The following ZNF721 variants were observed in gnomAD, a reference collection of about 807,000 sequenced individuals.
The protein encoded by ZNF721 is zinc finger protein 721.
ZNF721 carries 2 observed loss-of-function variants against 2.4 expected under a neutral mutation model. The observed-to-expected ratio is 0.82, with a 90% confidence interval of 0.34 to 2.58. The LOEUF is 2.58. Among genes scored for constraint, ZNF721 ranks in the 30% most tolerant of loss-of-function variants. ZNF721 has a pLI of 0.11. For synonymous variants in ZNF721, 398 were observed against 381.8 expected, an observed-to-expected ratio of 1.04 and a Z score of -0.50; for missense variants, 1,187 against 1,085.5, an observed-to-expected ratio of 1.09 and a Z score of -1.31.
rs782782968 is a variant in ZNF721, at chr4:442,256, G to C, written c.2211C>G (p.Ser737=). ...TTTTCTTATATTCGTTCAGGTTTGT[G>C]GACCATCCAAAGGATCTGCCACGAT... is the stretch of plus-strand genomic sequence containing the variant. ...CEDRGRSFGW[S]TNLNEYKKIH... The change falls in exon 3 of 3, where the codon TCC becomes TCG. Residue 737 remains serine (S), a synonymous_variant. Transcript: ENST00000511833. The C allele has an allele frequency of 6.2e-7, 1 of 1,612,908 alleles. No individual in the cohort carries two copies. The highest frequency in any genetic ancestry group is 8.5e-7 in the Non-Finnish European group (1 of 1,179,334).
chr4:442,044 G>A lies in ZNF721; in HGVS notation c.2423C>T (p.Pro808Leu). The change falls in exon 3 of 3, where the codon CCC (proline) becomes CTC (leucine). Residue 808 changes from proline to leucine, a missense_variant. Pro to Leu is a moderately conservative substitution (Grantham distance 98, BLOSUM62 -3). Coordinates refer to ENST00000511833, the MANE Select transcript of ZNF721 (RefSeq NM_133474.4). ...TTTACCACATTCTAAACATTTAAAGGGTTTCTCACCTGTATGAATCCTCTT... is the reference window on the plus strand; with the variant it reads ...TTTACCACATTCTAAACATTTAAAGAGTTTCTCACCTGTATGAATCCTCTT... Reference protein sequence around the residue: ...KHKRIHTGEKPFKCLECGKAF... With the variant: ...KHKRIHTGEKLFKCLECGKAF... 1.2e-6 allele frequency: 2 copies of A among 1,613,886 alleles called. No homozygotes were observed. The highest frequency in any genetic ancestry group is 1.7e-6 in the Non-Finnish European group (2 of 1,179,852).
intron 1 of ZNF721, among the ~76,000 whole-genome samples, chr4:491,586 G>C (rs1243444846): frequency 6.6e-6 from 1 of 152,186 alleles, no homozygotes; most frequent in African/African-American, 2.4e-5. Context: ...AGTAATTAGA[G>C]ACTCTTAAGA....
At chr4:495,824 G>C (rs377227513) in intron 1 of ZNF721, among the ~76,000 whole-genome samples, 1 of 152,192 alleles carries the variant, frequency 6.6e-6, no homozygotes, top group African/African-American at 2.4e-5. Flanking sequence ...GGATGGTCTT[G>C]ATCTCTTGAC....
At chr4:492,460 A>C (rs1204206776) in intron 1 of ZNF721, among the ~76,000 whole-genome samples, 1 of 152,180 alleles carries the variant, frequency 6.6e-6, no homozygotes, top group African/African-American at 2.4e-5. Context: ...AAAATCTCTT[A>C]TGATTTATCA....
rs1266366388 is a variant in ZNF721 at position 465,437 on chromosome 4, T to C, written c.34+7138A>G. Among the ~76,000 whole-genome samples, 9 of 64,740 alleles carry C rather than the reference T, an allele frequency of 1.4e-4. No homozygotes were observed. In the African/African-American group the frequency reaches 2.1e-3, roughly 15 times the overall value. The allele number at this position is 64,740 out of a possible 152,430, so 42.5% of individuals were successfully genotyped here. On this transcript the variant is annotated intron_variant, in intron 2 of 2. Transcript: ENST00000511833. ...CTTAAGCTAGGCTTTTGTTTTTTGT[T>C]TTTTTTTTTTTTGAGACGGAGTCTC... is the stretch of plus-strand genomic sequence containing the variant.
chr4:470,785 G>A (rs1715407794), intron 2 of ZNF721, among the ~76,000 whole-genome samples: 2 of 152,092 alleles, frequency 1.3e-5, no homozygotes, highest in Admixed American at 6.6e-5. Flanking sequence ...CAATTTGGGA[G>A]GCCAAGAGAT....
intron 2 of ZNF721, among the ~76,000 whole-genome samples, chr4:450,977 A>G (rs1289030522): frequency 2.3e-5 from 3 of 128,872 alleles, no homozygotes; most frequent in African/African-American, 5.8e-5. Context: ...ATATATATAT[A>G]TATATATATA....
intron 1 of ZNF721, among the ~76,000 whole-genome samples, chr4:477,057 A>C (rs1553868760): frequency 2.0e-5 from 3 of 151,934 alleles, no homozygotes; most frequent in African/African-American, 7.3e-5. Context: ...TTGTTCACTA[A>C]ATCTACTAAC....
intron 1 of ZNF721, among the ~76,000 whole-genome samples, chr4:484,298 C>A (rs1553869918): frequency 6.6e-6 from 1 of 152,068 alleles, no homozygotes; most frequent in African/African-American, 2.4e-5. Context: ...CGCCTCAGGA[C>A]CCTGTAATAA....
At chr4:450,363 T>C (rs1553864707) in intron 2 of ZNF721, among the ~76,000 whole-genome samples, 1 of 152,230 alleles carries the variant, frequency 6.6e-6, no homozygotes, top group Non-Finnish European at 1.5e-5. Flanking sequence ...ATTTTGATAT[T>C]TGCCACAACA....
chr4:479,972 G>A (rs998467838), intron 1 of ZNF721, among the ~76,000 whole-genome samples: 1 of 151,978 alleles, frequency 6.6e-6, no homozygotes, highest in African/African-American at 2.4e-5. Context: ...TGGTAATTTC[G>A]TATTTTTTTT....
At chr4:487,730 TA>T (rs1187612242) in intron 1 of ZNF721, among the ~76,000 whole-genome samples, 2 of 152,168 alleles carry the variant, frequency 1.3e-5, no homozygotes, top group Admixed American at 1.3e-4. Context: ...GGCAGGAGAA[TA>T]GGGTCTGGAG....
At chr4:452,026 C>T (rs1165162960) in intron 2 of ZNF721, among the ~76,000 whole-genome samples, 1 of 152,138 alleles carries the variant, frequency 6.6e-6, no homozygotes, top group Non-Finnish European at 1.5e-5. Flanking sequence ...TTGCTTACTG[C>T]TTGTAAGTTA....
intron 2 of ZNF721, among the ~76,000 whole-genome samples, chr4:460,462 T>C (rs1349585192): frequency 2.6e-5 from 4 of 152,046 alleles, no homozygotes; most frequent in Admixed American, 2.6e-4. Context: ...TCTATACCAC[T>C]AAATGCCCAC....
At chr4:469,308 T>A (rs1715355567) in intron 2 of ZNF721, among the ~76,000 whole-genome samples, 1 of 152,024 alleles carries the variant, frequency 6.6e-6, no homozygotes, top group Non-Finnish European at 1.5e-5. Flanking sequence ...AAATTCAATT[T>A]ACAATACTAT....
rs527386525 is a variant in ZNF721 at position 485,963 on chromosome 4, G to A, written c.-94+13093C>T. On this transcript the variant is annotated intron_variant, in intron 1 of 2. Coordinates refer to ENST00000511833, the MANE Select transcript of ZNF721 (RefSeq NM_133474.4). ...GCACTCCAGCCTGGCGACAGAGCGA[G>A]ACTCCATCTAAAAAATAAATAAATA... Among the ~76,000 whole-genome samples, 117 of 152,092 alleles carry A rather than the reference G, an allele frequency of 7.7e-4. No homozygotes were observed. The Middle Eastern group carries it at 0.014, about 18-fold the overall frequency.
At chr4:464,455 C>T (rs1364819615) in intron 2 of ZNF721, among the ~76,000 whole-genome samples, 1 of 120,498 alleles carries the variant, frequency 8.3e-6, no homozygotes, top group East Asian at 2.3e-4. Flanking sequence ...GGCTACAGAG[C>T]GAGACTCCAC....
chr4:472,452 C>T, intron 2 of ZNF721, 123 bp downstream of exon 2: 1 of 1,080,076 alleles, frequency 9.3e-7, no homozygotes, highest in South Asian at 1.7e-5. Flanking sequence ...ACATATATAA[C>T]TTACATAGCT....
intron 1 of ZNF721, among the ~76,000 whole-genome samples, chr4:491,997 A>T (rs1445655274): frequency 5.5e-4 from 84 of 151,954 alleles, no homozygotes; most frequent in South Asian, 3.9e-3. Flanking sequence ...TACTAAAAAA[A>T]AAAAAATACA....
Sources: allele counts gnomAD v4.1 joint callset (sites outside exome capture counted in the v4.1 genomes callset), GRCh38; gene constraint gnomAD v4.1.1; transcripts MANE v1.5; gene names NCBI Gene and HGNC (gene_info 2026-07-23, HGNC 2026-07-21).